Variants in PRKD1 observed in about 807,000 individuals in gnomAD.
The protein encoded by PRKD1 is serine/threonine-protein kinase D1.
Under a neutral mutation model 95.9 loss-of-function variants are expected in PRKD1, and 63 were observed. The ratio of observed to expected loss-of-function variants is 0.66; its 90% CI spans 0.54 to 0.81. The LOEUF (loss-of-function observed/expected upper bound fraction) is 0.81. PRKD1 is among the 30% of genes least tolerant of loss of function. The pLI, the probability that PRKD1 is intolerant of heterozygous loss-of-function variation, is 0.00. For missense variants in PRKD1, 1,048 were observed against 1,165.3 expected, an observed-to-expected ratio of 0.90 and a Z score of 1.47; for synonymous variants, 425 against 423.1, an observed-to-expected ratio of 1.00 and a Z score of -0.05.
intron 13 of PRKD1, among the ~76,000 whole-genome samples, chr14:29,604,090 A>G (rs1201231636): frequency 6.6e-6 from 1 of 152,188 alleles, no homozygotes; most frequent in Admixed American, 6.6e-5. Flanking sequence ...AGCTTTTATA[A>G]AAGTAATATC....
chr14:29,674,438 T>C (rs186569714), intron 2 of PRKD1, among the ~76,000 whole-genome samples: 285 of 152,310 alleles, frequency 1.9e-3, no homozygotes, highest in African/African-American at 6.4e-3. Flanking sequence ...AGGGTCACCA[T>C]ATCCTGATGT....
intron 16 of PRKD1, among the ~76,000 whole-genome samples, chr14:29,596,357 A>G (rs1893303105): frequency 6.6e-6 from 1 of 152,248 alleles, no homozygotes; most frequent in African/African-American, 2.4e-5. Flanking sequence ...TGTAAACTAG[A>G]AAAGACGTAG....
rs45448491 is a variant in PRKD1, at chr14:29,737,179, G to A, written c.265-11505C>T. 4.2e-3 allele frequency among the ~76,000 whole-genome samples: 628 copies of A among 150,486 alleles called. 1 individual carries two copies. The highest frequency in any genetic ancestry group is 0.01 in the Middle Eastern group (3 of 294). ...CTACTAAAAATACAAAAAATTAGCCGGGCGCGGTGGCGGGCGCCTGTAGTC... is the reference window on the plus strand; with the variant it reads ...CTACTAAAAATACAAAAAATTAGCCAGGCGCGGTGGCGGGCGCCTGTAGTC... On this transcript the variant is annotated intron_variant, in intron 1 of 17. Coordinates refer to ENST00000331968, the MANE Select transcript of PRKD1 (RefSeq NM_002742.3).
intron 1 of PRKD1, among the ~76,000 whole-genome samples, chr14:29,758,691 C>A (rs1287902992): frequency 6.6e-6 from 1 of 152,154 alleles, no homozygotes; most frequent in Non-Finnish European, 1.5e-5. Context: ...CATTTTTCAA[C>A]CATTATTTTT....
chr14:29,839,848 T>C (rs1017774747), intron 1 of PRKD1, among the ~76,000 whole-genome samples: 1 of 152,016 alleles, frequency 6.6e-6, no homozygotes, highest in Non-Finnish European at 1.5e-5. Flanking sequence ...CTGGAGCAGC[T>C]GGGATGCAGG....
chr14:29,620,028 C>T (rs918891037), intron 13 of PRKD1, among the ~76,000 whole-genome samples: 25 of 151,966 alleles, frequency 1.6e-4, no homozygotes, highest in Non-Finnish European at 2.5e-4. Context: ...CGCATATCTA[C>T]AACTGTCTGA....
intron 1 of PRKD1, among the ~76,000 whole-genome samples, chr14:29,828,090 T>C (rs960214327): frequency 6.6e-6 from 1 of 152,206 alleles, no homozygotes; most frequent in African/African-American, 2.4e-5. Flanking sequence ...TCTTACCTAA[T>C]AATAAATGTA....
chr14:29,862,957 T>A (rs1892761735), intron 1 of PRKD1, among the ~76,000 whole-genome samples: 1 of 152,074 alleles, frequency 6.6e-6, no homozygotes, highest in African/African-American at 2.4e-5. Context: ...TCCTGGAGAG[T>A]TTCCCCAAGC....
chr14:29,716,003 A>G (rs536839587), intron 2 of PRKD1, among the ~76,000 whole-genome samples: 61 of 152,310 alleles, frequency 4.0e-4, no homozygotes, highest in Middle Eastern at 3.4e-3. Flanking sequence ...AGGCCCTAAC[A>G]TGGCACTTAC....
intron 1 of PRKD1, among the ~76,000 whole-genome samples, chr14:29,785,560 T>C (rs971370908): frequency 1.6e-4 from 24 of 152,130 alleles, no homozygotes; most frequent in Non-Finnish European, 2.2e-4. Context: ...TTATTTCTTT[T>C]TCTTGACTGA....
At chr14:29,818,434 T>C (rs1890777115) in intron 1 of PRKD1, among the ~76,000 whole-genome samples, 1 of 152,200 alleles carries the variant, frequency 6.6e-6, no homozygotes, top group Non-Finnish European at 1.5e-5. Context: ...CCTTCAGGTT[T>C]TCATTCTGTA....
chr14:29,740,686 G>A (rs546845634), intron 1 of PRKD1, among the ~76,000 whole-genome samples: 2 of 152,272 alleles, frequency 1.3e-5, no homozygotes, highest in South Asian at 4.1e-4. Context: ...GATTTAATGA[G>A]CTTTGTAGCA....
chr14:29,792,737 A>G (rs1889601882), intron 1 of PRKD1, among the ~76,000 whole-genome samples: 1 of 152,138 alleles, frequency 6.6e-6, no homozygotes, highest in South Asian at 2.1e-4. Flanking sequence ...GTCTATATGG[A>G]AACTTGCAAC....
intron 1 of PRKD1, among the ~76,000 whole-genome samples, chr14:29,806,924 T>A (rs1890260053): frequency 2.0e-5 from 3 of 152,140 alleles, no homozygotes. Flanking sequence ...ATTGTCGCAA[T>A]ATGGCAAGTC....
chr14:29,746,635 A>C (rs1304267283), intron 1 of PRKD1, among the ~76,000 whole-genome samples: 2 of 152,090 alleles, frequency 1.3e-5, no homozygotes, highest in African/African-American at 4.8e-5. Context: ...TATCCCCAGT[A>C]CCCAGGCTCA....
intron 1 of PRKD1, among the ~76,000 whole-genome samples, chr14:29,775,777 T>C (rs1888717083): frequency 6.6e-6 from 1 of 152,178 alleles, no homozygotes; most frequent in Admixed American, 6.5e-5. Context: ...TGTCCCTGTC[T>C]AACAGCTTTG....
intron 4 of PRKD1, among the ~76,000 whole-genome samples, chr14:29,651,092 A>G (rs540482960): frequency 6.6e-6 from 1 of 152,236 alleles, no homozygotes; most frequent in African/African-American, 2.4e-5. Flanking sequence ...GTCTGTGTGT[A>G]CACGCTCATG....
chr14:29,595,650 T>C (rs1214200828), intron 16 of PRKD1, among the ~76,000 whole-genome samples: 1 of 152,208 alleles, frequency 6.6e-6, no homozygotes, highest in African/African-American at 2.4e-5. Flanking sequence ...TTTGTCTTAA[T>C]AGGCTATAGT....
intron 2 of PRKD1, among the ~76,000 whole-genome samples, chr14:29,692,328 C>T (rs1342350741): frequency 6.6e-6 from 1 of 151,922 alleles, no homozygotes; most frequent in African/African-American, 2.4e-5. Context: ...TTAAATCTTA[C>T]TGTGTAGACA....
Sources: allele counts gnomAD v4.1 joint callset (sites outside exome capture counted in the v4.1 genomes callset), GRCh38; gene constraint gnomAD v4.1.1; transcripts MANE v1.5; gene names NCBI Gene and HGNC (gene_info 2026-07-23, HGNC 2026-07-21).